The following BICC1 variants were observed in gnomAD, a reference collection of about 807,000 sequenced individuals.
BICC1 encodes the protein protein bicaudal C homolog 1.
Under a neutral mutation model 111.0 loss-of-function variants are expected in BICC1, and 43 were observed. The observed-to-expected ratio is 0.39, with a 90% confidence interval of 0.30 to 0.50. The LOEUF (loss-of-function observed/expected upper bound fraction) is 0.50, where lower values mean the gene tolerates loss of function less well. BICC1 is among the 20% of genes least tolerant of loss of function. The pLI is 0.88. For missense variants in BICC1, 1,091 were observed against 1,203.2 expected, an observed-to-expected ratio of 0.91 and a Z score of 1.38; for synonymous variants, 467 against 434.4, an observed-to-expected ratio of 1.07 and a Z score of -0.93.
chr10:58,519,499 G>A (rs544754556), intron 1 of BICC1, among the ~76,000 whole-genome samples: 6 of 152,308 alleles, frequency 3.9e-5, no homozygotes, highest in Admixed American at 3.9e-4. Flanking sequence ...TGCAAATTGT[G>A]ACTGAAGTCA....
intron 1 of BICC1, among the ~76,000 whole-genome samples, chr10:58,528,215 C>G (rs1842595278): frequency 6.6e-6 from 1 of 151,854 alleles, no homozygotes; most frequent in African/African-American, 2.4e-5. Flanking sequence ...AAGTGCCAAA[C>G]AGTTCTGCCT....
intron 2 of BICC1, among the ~76,000 whole-genome samples, chr10:58,680,956 A>G (rs1355707620): frequency 6.6e-6 from 1 of 152,264 alleles, no homozygotes; most frequent in African/African-American, 2.4e-5. Context: ...GTGTTGGGAA[A>G]ACTGGCTAGC....
intron 3 of BICC1, among the ~76,000 whole-genome samples, chr10:58,724,591 A>T (rs1422585526): frequency 6.6e-6 from 1 of 152,160 alleles, no homozygotes; most frequent in African/African-American, 2.4e-5. Flanking sequence ...TTGGAGTCAT[A>T]AGGAATGTTC....
At chr10:58,682,660 G>C (rs1056203925) in intron 2 of BICC1, among the ~76,000 whole-genome samples, 2 of 151,506 alleles carry the variant, frequency 1.3e-5, no homozygotes, top group African/African-American at 2.4e-5. Flanking sequence ...TCTGTTTCAT[G>C]TGTCTGCATA....
chr10:58,593,149 G>A (rs964179390), intron 1 of BICC1, among the ~76,000 whole-genome samples: 1 of 152,070 alleles, frequency 6.6e-6, no homozygotes, highest in African/African-American at 2.4e-5. Context: ...ACTGGGTGGA[G>A]CCCACTGCAG....
intron 1 of BICC1, among the ~76,000 whole-genome samples, chr10:58,562,073 T>C (rs981085751): frequency 3.2e-4 from 49 of 152,280 alleles, no homozygotes; most frequent in African/African-American, 1.1e-3. Context: ...CTTTTGACAG[T>C]TTTCAGTAAT....
intron 2 of BICC1, among the ~76,000 whole-genome samples, chr10:58,669,624 A>G (rs1205244193): frequency 6.6e-6 from 1 of 152,124 alleles, no homozygotes; most frequent in Admixed American, 6.6e-5. Context: ...ACGTTGAGTA[A>G]CATAATGTGA....
chr10:58,700,398 GAT>G (rs2132444602), intron 2 of BICC1, among the ~76,000 whole-genome samples: 1 of 152,136 alleles, frequency 6.6e-6, no homozygotes, highest in Non-Finnish European at 1.5e-5. Flanking sequence ...AGTTGAGAAA[GAT>G]AACATTTTTT....
intron 1 of BICC1, among the ~76,000 whole-genome samples, chr10:58,577,421 A>G (rs1844145347): frequency 6.6e-6 from 1 of 152,202 alleles, no homozygotes; most frequent in East Asian, 1.9e-4. Context: ...CCCATGAAGG[A>G]GCAGTAATAT....
Position 58,586,492 on chromosome 10 carries a change from T to C in BICC1, c.191-34363T>C, listed in dbSNP as rs1447582964. 2.0e-5 allele frequency among the ~76,000 whole-genome samples: 3 copies of C among 146,416 alleles called. No individual in the cohort carries two copies. The East Asian group carries it at 6.5e-4, about 32-fold the overall frequency. On this transcript the variant is annotated intron_variant, in intron 1 of 20. Transcript: ENST00000373886. ...GAGTACTTCCTGTAATACCAGCTAC[T>C]CGGGTGGCTGAGGCACGAGAATCAC... is the stretch of plus-strand genomic sequence containing the variant.
intron 2 of BICC1, among the ~76,000 whole-genome samples, chr10:58,641,226 A>T (rs1177041724): frequency 1.3e-5 from 2 of 152,178 alleles, no homozygotes; most frequent in Non-Finnish European, 2.9e-5. Flanking sequence ...AATCCCCAGG[A>T]AATGATTTTG....
intron 2 of BICC1, among the ~76,000 whole-genome samples, chr10:58,678,689 A>G (rs2132350943): frequency 6.6e-6 from 1 of 152,344 alleles, no homozygotes; most frequent in African/African-American, 2.4e-5. Flanking sequence ...AGGAGACCTA[A>G]TAGACATCTA....
chr10:58,673,604 A>C lies in BICC1; in HGVS notation c.238-28470A>C, dbSNP rs1190760588. ...GCACCATCTACTCACTTTGAGTATT[A>C]CCACATTCTTGTTATTTTTTTCATT... On this transcript the variant is annotated intron_variant, in intron 2 of 20. Transcript: ENST00000373886. 2.6e-5 allele frequency among the ~76,000 whole-genome samples: 4 copies of C among 152,050 alleles called. No individual in the cohort carries two copies. In the East Asian group the frequency reaches 7.7e-4, roughly 29 times the overall value.
intron 3 of BICC1, among the ~76,000 whole-genome samples, chr10:58,704,093 C>G (rs1007805283): frequency 1.3e-5 from 2 of 152,104 alleles, no homozygotes; most frequent in Non-Finnish European, 2.9e-5. Flanking sequence ...TCAAAATGGC[C>G]AACTATATTG....
At chr10:58,522,578 G>C (rs1649024) in intron 1 of BICC1, among the ~76,000 whole-genome samples, 81,525 of 151,354 alleles carry the variant, frequency 0.54, 22,952 homozygotes, top group African/African-American at 0.71. Flanking sequence ...AAATTTATAG[G>C]ACTAAATGCC....
chr10:58,793,358 G>A (rs1019342924), intron 8 of BICC1, 126 bp from the exon 9 acceptor site: 3 of 917,082 alleles, frequency 3.3e-6, no homozygotes, highest in East Asian at 2.6e-5. Flanking sequence ...ATATAATTCA[G>A]CTTTAATACT....
intron 1 of BICC1, among the ~76,000 whole-genome samples, chr10:58,602,320 T>A (rs1225002418): frequency 1.3e-5 from 2 of 152,200 alleles, no homozygotes; most frequent in African/African-American, 4.8e-5. Flanking sequence ...GTTTGCATCA[T>A]AAATGTACGC....
intron 2 of BICC1, among the ~76,000 whole-genome samples, chr10:58,635,079 T>G (rs1209294485): frequency 1.3e-5 from 2 of 152,190 alleles, no homozygotes; most frequent in Non-Finnish European, 2.9e-5. Context: ...GAGTCAACTG[T>G]ATATGTATTT....
chr10:58,723,646 G>A (rs961366804), intron 3 of BICC1, among the ~76,000 whole-genome samples: 1 of 152,202 alleles, frequency 6.6e-6, no homozygotes, highest in Non-Finnish European at 1.5e-5. Context: ...TTTCAAGCCA[G>A]CAGGAAGGCT....
Sources: gnomAD v4.1 joint callset for allele counts (sites outside exome capture counted in the v4.1 genomes callset) on GRCh38, gnomAD v4.1.1 for gene constraint, MANE v1.5 for transcripts, NCBI Gene and HGNC (gene_info 2026-07-23, HGNC 2026-07-21) for gene names.